TBCD: variants seen among roughly 807,000 people sequenced by gnomAD.
TBCD encodes the protein tubulin-specific chaperone D.
In TBCD, 105 loss-of-function variants were observed where a neutral mutation model predicts 169.3. The ratio of observed to expected loss-of-function variants is 0.62; its 90% CI spans 0.53 to 0.73. The LOEUF is 0.73. Among genes scored for constraint, TBCD ranks in the 30% least tolerant of loss-of-function variants. The pLI is 0.00. For synonymous variants in TBCD, 700 were observed against 643.9 expected, an observed-to-expected ratio of 1.09 and a Z score of -1.32; for missense variants, 1,444 against 1,600.1, an observed-to-expected ratio of 0.90 and a Z score of 1.66.
chr17:82,767,517 C>G (rs1167345257), intron 4 of TBCD, among the ~76,000 whole-genome samples: 1 of 152,054 alleles, frequency 6.6e-6, no homozygotes, highest in Non-Finnish European at 1.5e-5. Flanking sequence ...TCTTGGCTCA[C>G]TGCAACCTCT....
chr17:82,875,155 T>C (rs2057876262), intron 14 of TBCD, among the ~76,000 whole-genome samples: 2 of 152,224 alleles, frequency 1.3e-5, no homozygotes, highest in African/African-American at 2.4e-5. Context: ...CTGTTCCTGT[T>C]TTATAAATAC....
chr17:82,920,794 C>T lies in TBCD; in HGVS notation c.2101+176C>T, dbSNP rs1599565659. On this transcript the variant is annotated intron_variant, in intron 24 of 38. Coordinates refer to ENST00000355528, the MANE Select transcript of TBCD (RefSeq NM_005993.5). The surrounding 1 kb of genome is among the most constrained non-coding windows in gnomAD (Gnocchi z 4.1). ...AGAACCTGCTTAAATAATGGGTACCCACCGCCCTCTCCCCCCAACACAGGA... is the reference window on the plus strand; with the variant it reads ...AGAACCTGCTTAAATAATGGGTACCTACCGCCCTCTCCCCCCAACACAGGA... Among the ~76,000 whole-genome samples, 1 of 90,380 alleles carries T rather than the reference C, an allele frequency of 1.1e-5. No homozygotes were observed. Among genetic ancestry groups the T allele is most frequent in the African/African-American group, 3.3e-5 (1 of 30,678 alleles). The allele number at this position is 90,380 out of a possible 152,430, so 59.3% of individuals were successfully genotyped here. A position where few individuals can be genotyped will look rare whatever the true frequency, so the allele number is the denominator to read the frequency against.
rs138205930 is a variant in TBCD at position 82,902,293 on chromosome 17, C to T, written c.1731-1112C>T. On this transcript the variant is annotated intron_variant, in intron 18 of 38. Transcript: ENST00000355528. ...AAACGTGGTAGATCTCTGTTCCATA[C>T]GCTTTGCTTTAGTTTATTTTATTTA... Among the ~76,000 whole-genome samples the T allele has an allele frequency of 2.8e-3, 426 of 152,240 alleles. 1 individual carries two copies. Among genetic ancestry groups the T allele is most frequent in the Non-Finnish European group, 4.5e-3 (307 of 68,006 alleles).
intron 9 of TBCD, among the ~76,000 whole-genome samples, chr17:82,803,015 T>C (rs2050688067): frequency 6.6e-6 from 1 of 152,252 alleles, no homozygotes; most frequent in Admixed American, 6.5e-5. Flanking sequence ...CTTCCGTCTT[T>C]CTCTACGTTT....
At chr17:82,873,686 C>A (rs1026770552) in intron 14 of TBCD, among the ~76,000 whole-genome samples, 1 of 152,146 alleles carries the variant, frequency 6.6e-6, no homozygotes, top group South Asian at 2.1e-4. Context: ...CTATAAAAAC[C>A]TGCCGATGCG....
chr17:82,889,837 T>C lies in TBCD; in HGVS notation c.1563+140T>C. The C allele has an allele frequency of 1.1e-6, 1 of 937,616 alleles. No individual in the cohort carries two copies. The highest frequency in any genetic ancestry group is 2.6e-5 in the East Asian group (1 of 38,536). 58.1% of individuals were successfully genotyped at this position (937,616 alleles called of 1,614,324 possible). ...ATCAATGCCAGGGTCATGAGTTCAC[T>C]ATAGGACGCACATGTTAAACAGCGA... On this transcript the variant is annotated intron_variant, in intron 16 of 38. Transcript: ENST00000355528. The surrounding 1 kb of genome is among the most constrained non-coding windows in gnomAD (Gnocchi z 5.3).
intron 15 of TBCD, among the ~76,000 whole-genome samples, chr17:82,887,340 C>T (rs559984780): frequency 6.6e-6 from 1 of 152,232 alleles, no homozygotes; most frequent in African/African-American, 2.4e-5. Flanking sequence ...CCTTGGCAGC[C>T]ACCGGTCGGC....
In TBCD at chr17:82,933,534, C is replaced by G. The variant is rs112911477; in HGVS notation, c.3191+799C>G. 2.0e-3 allele frequency among the ~76,000 whole-genome samples: 306 copies of G among 152,014 alleles called. 1 individual carries two copies. The highest frequency in any genetic ancestry group is 7.1e-3 in the African/African-American group (293 of 41,438). On this transcript the variant is annotated intron_variant, in intron 34 of 38. Coordinates refer to ENST00000355528, the MANE Select transcript of TBCD (RefSeq NM_005993.5). ...AAAGTGCTAGGATTACAGGTGTGAG[C>G]CACTGCGTCTGGCCTGGATATATTT...
rs752247399 is a variant in TBCD, at chr17:82,909,302, A to T, written c.2001A>T (p.Leu667Phe). 6.2e-5 allele frequency: 95 copies of T among 1,523,674 alleles called. No homozygotes were observed. Among genetic ancestry groups the T allele is most frequent in the Non-Finnish European group, 8.0e-5 (90 of 1,123,296 alleles). 94.4% of individuals were successfully genotyped at this position (1,523,674 alleles called of 1,614,324 possible). The change falls in exon 22 of 39, where the codon TTA becomes TTT. Residue 667 changes from leucine (L) to phenylalanine (F), a missense_variant. By Grantham distance (22) the Leu-to-Phe change is conservative. Coordinates refer to ENST00000355528, the MANE Select transcript of TBCD (RefSeq NM_005993.5). ...QIHQQLYDRQ[L>F]YRGLGGQLMR... Reference sequence around the variant, plus strand: ...ATTTTCAGCTCTATGATCGTCAGTTATACAGGTGAGCTTTACAAAACCAAA... The same window carrying T: ...ATTTTCAGCTCTATGATCGTCAGTTTTACAGGTGAGCTTTACAAAACCAAA...
At chr17:82,919,021 A>G (rs906933090) in intron 23 of TBCD, among the ~76,000 whole-genome samples, 1 of 152,216 alleles carries the variant, frequency 6.6e-6, no homozygotes, top group African/African-American at 2.4e-5. Flanking sequence ...CATCATAAAA[A>G]TCCTCGAAGA....
rs149420595 is a variant in TBCD at position 82,766,621 on chromosome 17, G to A, written c.435+253G>A. On this transcript the variant is annotated intron_variant, in intron 4 of 38. Transcript: ENST00000355528. ...CTAGGTGTAGTTTAACAATAAATCC[G>A]TCATTGTTTCTATGTTTTTTTAACT... Among the ~76,000 whole-genome samples the A allele has an allele frequency of 2.6e-5, 4 of 152,006 alleles. No homozygotes were observed. The East Asian group carries it at 7.7e-4, about 29-fold the overall frequency.
intron 13 of TBCD, chr17:82,840,189 C>T (rs1248350768): frequency 3.3e-5 from 5 of 152,248 alleles, no homozygotes; most frequent in Non-Finnish European, 4.4e-5. Flanking sequence ...CAAGTTATCT[C>T]GCCGACTCCC....
chr17:82,881,339 A>G (rs8072584), intron 14 of TBCD, among the ~76,000 whole-genome samples: 121,759 of 152,246 alleles, frequency 0.8, 49,215 homozygotes, highest in East Asian at 0.92. Context: ...TAATTAAACC[A>G]AGTAAACGGT....
intron 6 of TBCD, among the ~76,000 whole-genome samples, chr17:82,780,328 C>T (rs1434929706): frequency 1.3e-5 from 2 of 152,130 alleles, no homozygotes; most frequent in African/African-American, 4.8e-5. Flanking sequence ...AAGTCCCCAG[C>T]TGTTTGTCGT....
intron 13 of TBCD, chr17:82,838,608 G>A (rs950461697): frequency 3.1e-6 from 3 of 980,968 alleles, no homozygotes; most frequent in Non-Finnish European, 2.4e-6. Flanking sequence ...CTGTGATGTC[G>A]CAAGAACGAG....
At chr17:82,836,994 T>G (rs2054043406) in intron 13 of TBCD, among the ~76,000 whole-genome samples, 1 of 152,200 alleles carries the variant, frequency 6.6e-6, no homozygotes, top group Non-Finnish European at 1.5e-5. Flanking sequence ...ATATGGAGTC[T>G]CGGGCAGTGG....
intron 18 of TBCD, among the ~76,000 whole-genome samples, chr17:82,901,966 C>G (rs2059923912): frequency 1.3e-5 from 2 of 152,164 alleles, no homozygotes; most frequent in African/African-American, 2.4e-5. Context: ...AGATATATGC[C>G]CGTAGCGTCG....
At chr17:82,855,297 G>C (rs2145719394) in intron 13 of TBCD, among the ~76,000 whole-genome samples, 1 of 120,792 alleles carries the variant, frequency 8.3e-6, no homozygotes, top group South Asian at 2.7e-4. Flanking sequence ...GGGTCACTCT[G>C]TTGCTCACGC....
chr17:82,802,875 C>T (rs866996411), intron 9 of TBCD, among the ~76,000 whole-genome samples: 1 of 152,386 alleles, frequency 6.6e-6, no homozygotes, highest in Middle Eastern at 3.4e-3. Context: ...TTAAGCATCA[C>T]AAGCACTGAA....
Sources: allele counts gnomAD v4.1 joint callset (sites outside exome capture counted in the v4.1 genomes callset), GRCh38; gene constraint gnomAD v4.1.1; non-coding constraint Gnocchi (gnomAD v3.1); transcripts MANE v1.5; gene names NCBI Gene and HGNC (gene_info 2026-07-23, HGNC 2026-07-21).